DSCAM: variants seen among roughly 807,000 people sequenced by gnomAD.
DSCAM encodes the protein DS cell adhesion molecule.
DSCAM carries 47 observed loss-of-function variants against 217.7 expected under a neutral mutation model. That is an observed-to-expected ratio of 0.22 (90% CI 0.17 to 0.28). The LOEUF (loss-of-function observed/expected upper bound fraction) is 0.28, where lower values mean the gene tolerates loss of function less well. Among genes scored for constraint, DSCAM ranks in the 10% least tolerant of loss-of-function variants. The pLI, the probability that DSCAM is intolerant of heterozygous loss-of-function variation, is 1.00. For missense variants in DSCAM, 2,080 were observed against 2,618.3 expected (o/e 0.79, Z 4.49); for synonymous variants, 1,056 against 1,015.3 (o/e 1.04, Z -0.76).
chr21:40,747,289 T>TA (rs72559370), intron 1 of DSCAM, among the ~76,000 whole-genome samples: 103,179 of 146,994 alleles, frequency 0.7, 36,318 homozygotes, highest in African/African-American at 0.78. Context: ...TTTGTTTAAA[T>TA]AAAAAAAAAA....
intron 3 of DSCAM, among the ~76,000 whole-genome samples, chr21:40,621,026 A>C (rs1027071788): frequency 5.3e-5 from 8 of 152,214 alleles, no homozygotes; most frequent in Non-Finnish European, 1.0e-4. Context: ...TTCTAGAAAA[A>C]GCAAAATATA....
At chr21:40,272,429 G>A (rs1209687660) in intron 11 of DSCAM, among the ~76,000 whole-genome samples, 1 of 152,118 alleles carries the variant, frequency 6.6e-6, no homozygotes, top group African/African-American at 2.4e-5. Flanking sequence ...CATGCTTGCT[G>A]GCTTTCTTCT....
At chr21:40,746,291 T>C (rs940689058) in intron 1 of DSCAM, among the ~76,000 whole-genome samples, 8 of 151,294 alleles carry the variant, frequency 5.3e-5, no homozygotes, top group African/African-American at 1.9e-4. Flanking sequence ...TGCCCAATTA[T>C]ATGCTGTCTA....
chr21:40,168,782 A>G (rs2090624338), intron 15 of DSCAM, among the ~76,000 whole-genome samples: 1 of 152,158 alleles, frequency 6.6e-6, no homozygotes, highest in South Asian at 2.1e-4. Flanking sequence ...GAGTAGTAGC[A>G]TGATGTAGTT....
chr21:40,772,032 C>T (rs976136133), intron 1 of DSCAM, among the ~76,000 whole-genome samples: 2 of 152,162 alleles, frequency 1.3e-5, no homozygotes, highest in African/African-American at 4.8e-5. Flanking sequence ...ATGCTGATAA[C>T]TTCAAAGTCA....
chr21:40,216,094 A>G (rs79926829), intron 11 of DSCAM, among the ~76,000 whole-genome samples: 5,259 of 152,214 alleles, frequency 0.035, 126 homozygotes, highest in African/African-American at 0.066. Flanking sequence ...CCTATAAAAC[A>G]AATGAGCCCT....
chr21:40,215,699 T>A (rs140144583), intron 11 of DSCAM, among the ~76,000 whole-genome samples: 5 of 152,226 alleles, frequency 3.3e-5, no homozygotes, highest in Non-Finnish European at 5.9e-5. Context: ...TGGGTAAATG[T>A]ATACTATTTG....
intron 3 of DSCAM, among the ~76,000 whole-genome samples, chr21:40,681,736 A>C (rs1812154707): frequency 6.6e-6 from 1 of 152,178 alleles, no homozygotes; most frequent in South Asian, 2.1e-4. Context: ...GTCATACTGA[A>C]ATAAGGTGGG....
intron 20 of DSCAM, among the ~76,000 whole-genome samples, chr21:40,122,697 GT>G (rs1291416169): frequency 6.6e-6 from 1 of 152,164 alleles, no homozygotes; most frequent in Non-Finnish European, 1.5e-5. Context: ...CCAGAAAAAT[GT>G]TGTGGAGTCT....
intron 20 of DSCAM, among the ~76,000 whole-genome samples, chr21:40,118,601 CAAA>C (rs1365924787): frequency 6.6e-6 from 1 of 152,088 alleles, no homozygotes; most frequent in Non-Finnish European, 1.5e-5. Context: ...AAACAAACAA[CAAA>C]AAAGACATTG....
At position 40,058,512 on chromosome 21, in the gene DSCAM, G is replaced by C. The variant is rs563632227; in HGVS notation, c.4920-2672C>G. Among the ~76,000 whole-genome samples the C allele has an allele frequency of 7.9e-5, 12 of 152,274 alleles. No homozygotes were observed. The South Asian group carries it at 2.5e-3, about 32-fold the overall frequency. On this transcript the variant is annotated intron_variant, in intron 28 of 32. Coordinates refer to ENST00000400454, the MANE Select transcript of DSCAM (RefSeq NM_001389.5). ...CTGTGTCTCCCTAGAACTTAGAACA[G>C]TATATGGCCAAAGTAGGTGCTCAAT...
chr21:40,744,268 T>C (rs1191003495), intron 1 of DSCAM, among the ~76,000 whole-genome samples: 1 of 151,854 alleles, frequency 6.6e-6, no homozygotes. Flanking sequence ...AAAGTGGGGG[T>C]GCTGATCACT....
intron 1 of DSCAM, among the ~76,000 whole-genome samples, chr21:40,810,947 G>A (rs538191388): frequency 3.9e-5 from 6 of 152,028 alleles, no homozygotes; most frequent in Admixed American, 2.0e-4. Flanking sequence ...TTTCACTTGG[G>A]GTCATTGTAT....
chr21:40,822,731 T>C (rs1401532264), intron 1 of DSCAM, among the ~76,000 whole-genome samples: 1 of 152,240 alleles, frequency 6.6e-6, no homozygotes, highest in East Asian at 1.9e-4. Context: ...CTGTATCACG[T>C]TGAGATGGGT....
chr21:40,723,731 A>G (rs1038950067), intron 1 of DSCAM, among the ~76,000 whole-genome samples: 2 of 152,224 alleles, frequency 1.3e-5, no homozygotes, highest in African/African-American at 2.4e-5. Context: ...ATCATCTACT[A>G]TAATCTAAAT....
chr21:40,272,632 C>A (rs2073634285), intron 11 of DSCAM, among the ~76,000 whole-genome samples: 1 of 152,134 alleles, frequency 6.6e-6, no homozygotes, highest in African/African-American at 2.4e-5. Flanking sequence ...AGAAGCAGGT[C>A]CTATCCGGAG....
chr21:40,029,795 A>G (rs563448229), intron 32 of DSCAM, among the ~76,000 whole-genome samples: 51 of 151,468 alleles, frequency 3.4e-4, no homozygotes, highest in Non-Finnish European at 5.9e-5. Flanking sequence ...GAGCTAAATA[A>G]CCCCCACCCC....
intron 1 of DSCAM, among the ~76,000 whole-genome samples, chr21:40,731,551 G>T (rs527834452): frequency 3.3e-5 from 5 of 152,188 alleles, no homozygotes; most frequent in African/African-American, 9.6e-5. Flanking sequence ...GTATCCACAG[G>T]GTTGGTTTGT....
chr21:40,648,265 A>G (rs542038944), intron 3 of DSCAM, among the ~76,000 whole-genome samples: 52 of 149,146 alleles, frequency 3.5e-4, no homozygotes, highest in African/African-American at 1.3e-3. Context: ...ACACACACAC[A>G]CACACACACA....
Sources: gnomAD v4.1 joint callset for allele counts (sites outside exome capture counted in the v4.1 genomes callset) on GRCh38, gnomAD v4.1.1 for gene constraint, MANE v1.5 for transcripts, NCBI Gene and HGNC (gene_info 2026-07-23, HGNC 2026-07-21) for gene names.